Variants in TMC3 observed in about 807,000 individuals in gnomAD.
The protein encoded by TMC3 is transmembrane channel like 3.
TMC3 carries 98 observed loss-of-function variants against 110.6 expected under a neutral mutation model. That is an observed-to-expected ratio of 0.89 (90% CI 0.75 to 1.05). TMC3 has a LOEUF of 1.05. Ranked by LOEUF, TMC3 falls within the 50% of genes least tolerant of loss-of-function variation. The pLI is 0.00. For synonymous variants in TMC3, 489 were observed against 513.1 expected (o/e 0.95, Z 0.63); for missense variants, 1,319 against 1,373.2 (o/e 0.96, Z 0.62).
At chr15:81,359,507 A>G in intron 4 of TMC3, 36 bp from the exon 5 acceptor site, 1 of 1,395,810 alleles carries the variant, frequency 7.2e-7, no homozygotes, top group Non-Finnish European at 9.7e-7. Flanking sequence ...CAGTTTAAAT[A>G]AAATCCTCAT....
chr15:81,344,733 A>G (rs774316731), intron 13 of TMC3, 33 bp downstream of exon 13: 1 of 1,605,816 alleles, frequency 6.2e-7, no homozygotes, highest in South Asian at 1.1e-5. Context: ...TGAGATGGAT[A>G]TGACAGAGCT....
intron 1 of TMC3, among the ~76,000 whole-genome samples, chr15:81,373,092 G>A (rs569001087): frequency 9.9e-4 from 150 of 152,064 alleles, no homozygotes; most frequent in Non-Finnish European, 1.6e-3. Context: ...CAGCAATTTG[G>A]GTAGGCAAAA....
intron 2 of TMC3, 116 bp from the exon 3 acceptor site, chr15:81,368,444 A>C (rs1458382716): frequency 2.8e-6 from 2 of 721,538 alleles, no homozygotes; most frequent in East Asian, 5.3e-5. Flanking sequence ...ATGATACAGC[A>C]AAAGATGCCA....
chr15:81,344,040 C>G lies in TMC3; in HGVS notation c.1524G>C (p.Met508Ile), dbSNP rs1893772505. ...GCATGTCAATGATGGAGAGCTTCAG[C>G]ATCTCCTGAAACACAGGGCGTCCCT... ...QCWETYVGQEMLKLSIIDMLF... is the reference protein window; with the variant it reads ...QCWETYVGQEILKLSIIDMLF... The change falls in exon 14 of 22, where the codon ATG (methionine) becomes ATC (isoleucine). Residue 508 changes from methionine to isoleucine, a missense_variant. Physicochemically the swap from Met to Ile is conservative, Grantham distance 10 (BLOSUM62 1). Coordinates refer to ENST00000359440, the MANE Select transcript of TMC3 (RefSeq NM_001080532.3). 1 of 1,608,456 alleles carries G rather than the reference C, an allele frequency of 6.2e-7. No individual in the cohort carries two copies. The highest frequency in any genetic ancestry group is 1.3e-5 in the African/African-American group (1 of 74,878).
intron 9 of TMC3, 130 bp from the exon 10 acceptor site, chr15:81,351,971 G>A (rs564745685): frequency 3.8e-6 from 4 of 1,060,286 alleles, no homozygotes; most frequent in South Asian, 3.4e-5. Context: ...AAGCATCAAT[G>A]CACTTCCAGC....
chr15:81,354,395 GC>G (rs1894013455), intron 9 of TMC3, among the ~76,000 whole-genome samples: 1 of 152,200 alleles, frequency 6.6e-6, no homozygotes, highest in Non-Finnish European at 1.5e-5. Context: ...CTTATGAAAT[GC>G]CTGACAGAAC....
rs1043404146 is a variant in TMC3 at position 81,374,133 on chromosome 15, A to C, written c.-56T>G. ...CTGGCCAGAGAGCTAGGAAGTTGGCAGGCAAAGGTCTGTTCCGAGGTTTCT... is the reference window on the plus strand; with the variant it reads ...CTGGCCAGAGAGCTAGGAAGTTGGCCGGCAAAGGTCTGTTCCGAGGTTTCT... On this transcript the variant is annotated 5_prime_UTR_variant, in exon 1 of 22. Transcript: ENST00000359440. 2 of 1,524,010 alleles carry C rather than the reference A, an allele frequency of 1.3e-6. No individual in the cohort carries two copies. The highest frequency in any genetic ancestry group is 2.7e-5 in the African/African-American group (2 of 73,138). The allele number at this position is 1,524,010 out of a possible 1,614,324, so 94.4% of individuals were successfully genotyped here.
chr15:81,350,759 C>T (rs529704137), intron 10 of TMC3, among the ~76,000 whole-genome samples: 1 of 152,262 alleles, frequency 6.6e-6, no homozygotes, highest in East Asian at 1.9e-4. Context: ...GCTATTTCTG[C>T]CTTTCAAATC....
intron 11 of TMC3, among the ~76,000 whole-genome samples, chr15:81,347,747 C>T (rs755429808): frequency 3.9e-5 from 6 of 152,170 alleles, no homozygotes; most frequent in Admixed American, 6.5e-5. Context: ...ACATGAGTAA[C>T]GAGGCCAATT....
intron 11 of TMC3, among the ~76,000 whole-genome samples, chr15:81,347,665 T>A (rs1406063986): frequency 6.6e-6 from 1 of 152,230 alleles, no homozygotes; most frequent in East Asian, 1.9e-4. Flanking sequence ...TAATATGTCT[T>A]ATGCTTATTA....
At chr15:81,349,107 A>G (rs777975657) in intron 11 of TMC3, among the ~76,000 whole-genome samples, 16 of 152,208 alleles carry the variant, frequency 1.1e-4, no homozygotes, top group Non-Finnish European at 1.9e-4. Flanking sequence ...CTGGGATTAC[A>G]GGCGTGAGCC....
intron 9 of TMC3, among the ~76,000 whole-genome samples, chr15:81,352,673 A>G (rs570970415): frequency 6.6e-6 from 1 of 152,224 alleles, no homozygotes; most frequent in Admixed American, 6.5e-5. Flanking sequence ...CACTGTTACC[A>G]TAAGAGATGA....
intron 2 of TMC3, among the ~76,000 whole-genome samples, chr15:81,372,363 C>G (rs1894454548): frequency 9.3e-6 from 1 of 107,160 alleles, no homozygotes; most frequent in Non-Finnish European, 1.8e-5. Flanking sequence ...CACACACACA[C>G]ACACACACAC....
rs549516791 is a variant in TMC3 at position 81,335,301 on chromosome 15, T to C, written c.2204-326A>G. Among the ~76,000 whole-genome samples, 12 of 152,222 alleles carry C rather than the reference T, an allele frequency of 7.9e-5. 1 individual carries two copies. The South Asian group carries it at 2.3e-3, about 29-fold the overall frequency. On this transcript the variant is annotated intron_variant, in intron 20 of 21. Coordinates refer to ENST00000359440, the MANE Select transcript of TMC3 (RefSeq NM_001080532.3). ...TCTATTCAATGGAGATAATAAAGCT[T>C]ACACAACAATTATGATTCTTTGGAA...
chr15:81,337,514 C>T (rs2141692329), intron 19 of TMC3: 1 of 417,114 alleles, frequency 2.4e-6, no homozygotes, highest in East Asian at 4.8e-5. Flanking sequence ...CTTTCTCTCC[C>T]CTGCCAATCT....
intron 10 of TMC3, among the ~76,000 whole-genome samples, chr15:81,351,316 G>A (rs1392506498): frequency 6.6e-6 from 1 of 151,702 alleles, no homozygotes; most frequent in Non-Finnish European, 1.5e-5. Context: ...GGAACAGAGA[G>A]GCAGGCTACT....
chr15:81,343,195 T>G, intron 15 of TMC3, 83 bp downstream of exon 15: 1 of 796,536 alleles, frequency 1.3e-6, no homozygotes, highest in South Asian at 1.5e-5. Context: ...TGTGTTATGG[T>G]CGTGTCCCAT....
In TMC3 at chr15:81,333,165, C is replaced by G. The variant is rs770789062; in HGVS notation, c.2557G>C (p.Glu853Gln). The G allele has an allele frequency of 5.6e-6, 9 of 1,613,922 alleles. No homozygotes were observed. Among genetic ancestry groups the G allele is most frequent in the African/African-American group, 1.3e-5 (1 of 74,916 alleles). The change falls in exon 22 of 22, where the codon GAA (glutamate) becomes CAA (glutamine). Residue 853 changes from glutamate (E) to glutamine (Q), a missense_variant. Transcript: ENST00000359440. ...TGAAAGTCTTTTCGGAAAAGAGGTTCTGAGTGTACATCTTCGATGTGCGTT... is the reference window on the plus strand; with the variant it reads ...TGAAAGTCTTTTCGGAAAAGAGGTTGTGAGTGTACATCTTCGATGTGCGTT... ...FTTHIEDVHS[E>Q]PLFRKDFQQI...
At chr15:81,346,299 G>C in intron 12 of TMC3, 66 bp downstream of exon 12, 1 of 1,361,286 alleles carries the variant, frequency 7.3e-7, no homozygotes. Context: ...TGATGACCCT[G>C]GTGTTGGGAG....
Sources: allele counts gnomAD v4.1 joint callset (sites outside exome capture counted in the v4.1 genomes callset), GRCh38; gene constraint gnomAD v4.1.1; transcripts MANE v1.5; gene names NCBI Gene and HGNC (gene_info 2026-07-23, HGNC 2026-07-21).